Variants in GDI2 observed in about 807,000 individuals in gnomAD.
The protein encoded by GDI2 is rab GDP dissociation inhibitor beta.
In GDI2, 22 loss-of-function variants were observed where a neutral mutation model predicts 54.2. That is an observed-to-expected ratio of 0.41 (90% CI 0.29 to 0.58). The LOEUF (loss-of-function observed/expected upper bound fraction) is 0.58. Ranked by LOEUF, GDI2 falls within the 20% of genes least tolerant of loss-of-function variation. The pLI, the probability that GDI2 is intolerant of heterozygous loss-of-function variation, is 0.35. For missense variants in GDI2, 422 were observed against 546.0 expected, an observed-to-expected ratio of 0.77 and a Z score of 2.26; for synonymous variants, 177 against 182.1, an observed-to-expected ratio of 0.97 and a Z score of 0.23.
chr10:5,810,747 T>C (rs1182260600), intron 1 of GDI2, among the ~76,000 whole-genome samples: 1 of 152,230 alleles, frequency 6.6e-6, no homozygotes, highest in Non-Finnish European at 1.5e-5. Flanking sequence ...AACCTTTAGT[T>C]CCTCAGAAAA....
At chr10:5,792,984 A>G (rs914723023) in intron 4 of GDI2, among the ~76,000 whole-genome samples, 1 of 147,370 alleles carries the variant, frequency 6.8e-6, no homozygotes, top group Admixed American at 6.8e-5. Flanking sequence ...AAAAAATTCT[A>G]TTTCTTATTT....
At chr10:5,805,686 A>C (rs963432000) in intron 1 of GDI2, among the ~76,000 whole-genome samples, 4 of 152,220 alleles carry the variant, frequency 2.6e-5, no homozygotes. Flanking sequence ...ACTGATGCTG[A>C]TGAGGTGATA....
intron 4 of GDI2, among the ~76,000 whole-genome samples, chr10:5,788,888 G>A (rs1392278795): frequency 2.0e-5 from 3 of 151,850 alleles, no homozygotes; most frequent in Non-Finnish European, 4.4e-5. Context: ...TAAGCATCCC[G>A]AGTAGCTAGG....
In GDI2 at chr10:5,809,223, CAACAGAG is replaced by C. The variant is rs553105796; in HGVS notation, c.45+3984_45+3990del. On this transcript the variant is annotated intron_variant, in intron 1 of 10. Coordinates refer to ENST00000380191, the MANE Select transcript of GDI2 (RefSeq NM_001494.4). ...TCACATCACTGTACTCCAGCCTGGG[CAACAGAG>C]TGAGACTCCATCTCAAAAAAAAACA... Among the ~76,000 whole-genome samples, 437 of 144,962 alleles carry C rather than the reference CAACAGAG, an allele frequency of 3.0e-3. 1 individual carries two copies. The highest frequency in any genetic ancestry group is 4.2e-3 in the Admixed American group (59 of 14,060).
At chr10:5,775,486 A>G (rs1422005344) in intron 6 of GDI2, among the ~76,000 whole-genome samples, 1 of 152,200 alleles carries the variant, frequency 6.6e-6, no homozygotes, top group Non-Finnish European at 1.5e-5. Context: ...CAATGCCTGC[A>G]GTCCTATTGA....
chr10:5,790,211 T>A (rs910864607), intron 4 of GDI2, among the ~76,000 whole-genome samples: 1 of 152,214 alleles, frequency 6.6e-6, no homozygotes, highest in Admixed American at 6.5e-5. Context: ...AGACAATTCA[T>A]CTCATACACA....
rs17403348 is a variant in GDI2 at position 5,785,938 on chromosome 10, T to C, written c.501A>G (p.Thr167=). ...TFEGIDPKKT[T]MRDVYKKFDL... is the part of the protein sequence containing the mutation. The stretch of plus-strand genomic sequence containing the variant: ...CAAATTTCTTATACACATCTCGCAT[T>C]GTGGTCTTCTTAGGATCAATGCCTT... Residue 167 remains threonine (T), a synonymous_variant, in exon 5 of 11, where the codon ACA becomes ACG. Transcript: ENST00000380191. 46,591 of 1,611,144 alleles carry C rather than the reference T, an allele frequency of 0.029. 781 individuals carry two copies. Among genetic ancestry groups the C allele is most frequent in the Middle Eastern group, 0.041 (248 of 6,050 alleles).
Position 5,768,754 on chromosome 10 carries a change from T to G in GDI2, c.820-370A>C. The stretch of plus-strand genomic sequence containing the variant: ...GAAAAAAAGTCATTTCAACAAACCG[T>G]CCTGGGAAAACTATCCACATGCAAA... On this transcript the variant is annotated intron_variant, in intron 7 of 10. Coordinates refer to ENST00000380191, the MANE Select transcript of GDI2 (RefSeq NM_001494.4). The surrounding 1 kb of genome is among the most constrained non-coding windows in gnomAD (Gnocchi z 4.4). 1 of 166,912 alleles carries G rather than the reference T, an allele frequency of 6.0e-6. No homozygotes were observed. Among genetic ancestry groups the G allele is most frequent in the South Asian group, 1.8e-4 (1 of 5,708 alleles). 10.3% of individuals were successfully genotyped at this position (166,912 alleles called of 1,614,324 possible).
intron 6 of GDI2, among the ~76,000 whole-genome samples, chr10:5,783,350 G>A (rs1588974469): frequency 6.6e-6 from 1 of 151,938 alleles, no homozygotes; most frequent in African/African-American, 2.4e-5. Context: ...TTTGTGTCTG[G>A]TGAATCTCTT....
chr10:5,788,095 G>A (rs1168266075), intron 4 of GDI2, among the ~76,000 whole-genome samples: 1 of 152,118 alleles, frequency 6.6e-6, no homozygotes, highest in African/African-American at 2.4e-5. Flanking sequence ...ATGAGAACCA[G>A]ATATAATTGT....
chr10:5,782,442 A>C (rs1392964564), intron 6 of GDI2, among the ~76,000 whole-genome samples: 1 of 152,216 alleles, frequency 6.6e-6, no homozygotes, highest in Non-Finnish European at 1.5e-5. Context: ...TCTATCTGCC[A>C]CATTAGTCAG....
intron 2 of GDI2, among the ~76,000 whole-genome samples, chr10:5,799,422 C>G (rs972757060): frequency 2.0e-5 from 3 of 152,128 alleles, no homozygotes; most frequent in Non-Finnish European, 1.5e-5. Context: ...GAGGCCAAGG[C>G]AGACAGATCA....
chr10:5,773,677 T>G (rs975684102), intron 7 of GDI2, among the ~76,000 whole-genome samples, 165 bp downstream of exon 7: 4 of 152,222 alleles, frequency 2.6e-5, no homozygotes, highest in Non-Finnish European at 4.4e-5. Context: ...AAAAAGATGC[T>G]TTTAAAACAA....
intron 7 of GDI2, among the ~76,000 whole-genome samples, chr10:5,771,885 A>T (rs1232891439): frequency 4.6e-5 from 7 of 152,252 alleles, no homozygotes; most frequent in Non-Finnish European, 2.9e-5. Context: ...AGGTCAAGAA[A>T]CCAAGACCAG....
chr10:5,768,478 A>G lies in GDI2; in HGVS notation c.820-94T>C, dbSNP rs1234931107. On this transcript the variant is annotated intron_variant, in intron 7 of 10. Transcript: ENST00000380191. The surrounding 1 kb of genome is among the most constrained non-coding windows in gnomAD (Gnocchi z 4.4). ...GTTTGGAAGACTTAGTATTGTTAAG[A>G]TATCAAAAACCATCCTCAAGTTCAT... 1.2e-5 allele frequency: 10 copies of G among 804,808 alleles called. No homozygotes were observed. Among genetic ancestry groups the G allele is most frequent in the Non-Finnish European group, 2.0e-5 (10 of 500,286 alleles). The allele number at this position is 804,808 out of a possible 1,614,324, so 49.9% of individuals were successfully genotyped here.
At chr10:5,810,614 C>T (rs763219572) in intron 1 of GDI2, among the ~76,000 whole-genome samples, 34 of 152,180 alleles carry the variant, frequency 2.2e-4, no homozygotes, top group Non-Finnish European at 4.1e-4. Context: ...TACAGCATAA[C>T]ACAATAGTTA....
At chr10:5,795,399 G>A (rs963021264) in intron 3 of GDI2, among the ~76,000 whole-genome samples, 5 of 152,098 alleles carry the variant, frequency 3.3e-5, no homozygotes, top group African/African-American at 9.7e-5. Flanking sequence ...GGGATTATAG[G>A]CACGAGGCAC....
At chr10:5,777,601 G>GCTGGAATGGTGAT (rs1840656188) in intron 6 of GDI2, among the ~76,000 whole-genome samples, 1 of 152,230 alleles carries the variant, frequency 6.6e-6, no homozygotes, top group Non-Finnish European at 1.5e-5. Flanking sequence ...TCTCACGCCA[G>GCTGGAATGGTGAT]CTGGAATGGT....
Position 5,774,685 on chromosome 10 carries a change from C to T in GDI2, c.720-744G>A, listed in dbSNP as rs539800240. Among the ~76,000 whole-genome samples the T allele has an allele frequency of 1.1e-3, 166 of 152,232 alleles. 1 individual carries two copies. Among genetic ancestry groups the T allele is most frequent in the African/African-American group, 3.8e-3 (158 of 41,534 alleles). On this transcript the variant is annotated intron_variant, in intron 6 of 10. Transcript: ENST00000380191. The surrounding 1 kb of genome is among the most constrained non-coding windows in gnomAD (Gnocchi z 4.8). ...TAATGGCCCTCCTGGACAGGAGGCT[C>T]GTGAGTGTGGTGAGGCTAAAGCCTA... is the stretch of plus-strand genomic sequence containing the variant.
Sources: allele counts gnomAD v4.1 joint callset (sites outside exome capture counted in the v4.1 genomes callset), GRCh38; gene constraint gnomAD v4.1.1; non-coding constraint Gnocchi (gnomAD v3.1); transcripts MANE v1.5; gene names NCBI Gene and HGNC (gene_info 2026-07-23, HGNC 2026-07-21).